Variants in TRDN observed in about 807,000 individuals in gnomAD.
TRDN encodes triadin in skeletal muscle.
TRDN carries 161 observed loss-of-function variants against 149.7 expected under a neutral mutation model. The observed-to-expected ratio is 1.08, with a 90% confidence interval of 0.95 to 1.23. The LOEUF (loss-of-function observed/expected upper bound fraction) is 1.23. Ranked by LOEUF, TRDN falls within the 50% of genes most tolerant of loss-of-function variation. The pLI, the probability that TRDN is intolerant of heterozygous loss-of-function variation, is 0.00. For synonymous variants in TRDN, 294 were observed against 250.5 expected (o/e 1.17, Z -1.64); for missense variants, 896 against 823.5 (o/e 1.09, Z -1.08).
At chr6:123,621,663 C>T (rs945973410) in intron 1 of TRDN, among the ~76,000 whole-genome samples, 1 of 152,066 alleles carries the variant, frequency 6.6e-6, no homozygotes, top group East Asian at 1.9e-4. Context: ...TGCAGCAAAA[C>T]ACAGAACAAT....
At chr6:123,548,399 A>G in intron 3 of TRDN, 55 bp downstream of exon 3, 9 of 1,338,464 alleles carry the variant, frequency 6.7e-6, no homozygotes, top group Non-Finnish European at 8.7e-6. Context: ...AAGCCACTAT[A>G]ATACATATTT....
At chr6:123,409,735 T>TCA (rs1212069610) in intron 12 of TRDN, among the ~76,000 whole-genome samples, 1 of 150,520 alleles carries the variant, frequency 6.6e-6, no homozygotes, top group Non-Finnish European at 1.5e-5. Context: ...CAGAGTCTAG[T>TCA]GAGAAACAAA....
intron 12 of TRDN, among the ~76,000 whole-genome samples, chr6:123,432,471 A>T (rs1774373414): frequency 2.0e-5 from 3 of 151,904 alleles, no homozygotes; most frequent in Admixed American, 1.3e-4. Flanking sequence ...AATACTCATC[A>T]AACTATAATT....
At chr6:123,454,048 G>T (rs11154170) in intron 10 of TRDN, among the ~76,000 whole-genome samples, 42,468 of 151,498 alleles carry the variant, frequency 0.28, 6,218 homozygotes, top group South Asian at 0.38. Context: ...CCAAACATCG[G>T]GTGTTCTCAC....
At chr6:123,481,892 G>T (rs962006250) in intron 9 of TRDN, among the ~76,000 whole-genome samples, 7 of 151,990 alleles carry the variant, frequency 4.6e-5, no homozygotes, top group Admixed American at 3.3e-4. Context: ...CTATCACATG[G>T]CATGTGAAAA....
At position 123,439,025 on chromosome 6, in the gene TRDN, T is replaced by A. The variant is rs758267701; in HGVS notation, c.932-22A>T. On this transcript the variant is annotated intron_variant, in intron 10 of 40. Transcript: ENST00000334268. ...TTTTCTAGAGAATACATTTAAAATA[T>A]TTCCTTTAGGGAAATTTAGTATGAA... is the stretch of plus-strand genomic sequence containing the variant. The A allele has an allele frequency of 2.0e-6, 3 of 1,528,842 alleles. No individual in the cohort carries two copies. In the African/African-American group the frequency reaches 4.2e-5, roughly 21 times the overall value. The allele number at this position is 1,528,842 out of a possible 1,614,324, so 94.7% of individuals were successfully genotyped here.
At chr6:123,466,082 G>A (rs1776793433) in intron 9 of TRDN, among the ~76,000 whole-genome samples, 1 of 152,174 alleles carries the variant, frequency 6.6e-6, no homozygotes, top group Non-Finnish European at 1.5e-5. Flanking sequence ...GCATGTTTAA[G>A]TATGTATAGA....
At chr6:123,324,608 AG>A (rs1489286977) in intron 23 of TRDN, among the ~76,000 whole-genome samples, 12 of 152,178 alleles carry the variant, frequency 7.9e-5, no homozygotes, top group African/African-American at 2.9e-4. Context: ...CTTTTGAATG[AG>A]GGCTGATATT....
Position 123,393,099 on chromosome 6 carries a change from T to C in TRDN, c.1105+525A>G, listed in dbSNP as rs138087953. 2.0e-3 allele frequency among the ~76,000 whole-genome samples: 300 copies of C among 152,214 alleles called. 1 individual carries two copies. Among genetic ancestry groups the C allele is most frequent in the African/African-American group, 7.0e-3 (291 of 41,572 alleles). ...ATGGTGTGAGACGAAACCACTTTAG[T>C]TATCCTGAAGATATTTGTAAATGGT... is the stretch of plus-strand genomic sequence containing the variant. On this transcript the variant is annotated intron_variant, in intron 13 of 40. Coordinates refer to ENST00000334268, the MANE Select transcript of TRDN (RefSeq NM_006073.4).
At chr6:123,617,659 T>A (rs1225334850) in intron 1 of TRDN, among the ~76,000 whole-genome samples, 1 of 152,202 alleles carries the variant, frequency 6.6e-6, no homozygotes, top group African/African-American at 2.4e-5. Context: ...AACTCCTTTT[T>A]AGTTTCAGAT....
intron 38 of TRDN, among the ~76,000 whole-genome samples, chr6:123,241,382 A>G (rs890194641): frequency 4.6e-5 from 7 of 151,434 alleles, no homozygotes; most frequent in African/African-American, 1.7e-4. Flanking sequence ...AAATTCAGAA[A>G]AAGAATATAA....
intron 14 of TRDN, among the ~76,000 whole-genome samples, chr6:123,385,338 G>T (rs1781867717): frequency 6.6e-6 from 1 of 151,446 alleles, no homozygotes; most frequent in East Asian, 2.0e-4. Context: ...TGAGGCAGGA[G>T]AGTGGCATGA....
intron 12 of TRDN, among the ~76,000 whole-genome samples, chr6:123,405,546 T>C (rs1037358774): frequency 6.6e-6 from 1 of 152,194 alleles, no homozygotes; most frequent in Non-Finnish European, 1.5e-5. Flanking sequence ...TTTTGAAGAC[T>C]TTAGCATCAA....
intron 1 of TRDN, 132 bp downstream of exon 1, chr6:123,636,621 TC>T: frequency 9.9e-7 from 1 of 1,008,128 alleles, no homozygotes; most frequent in Non-Finnish European, 1.5e-6. Context: ...ACTTCTCAGA[TC>T]CTGTATAGAA....
chr6:123,323,303 A>G (rs1779326105), intron 23 of TRDN, among the ~76,000 whole-genome samples: 1 of 152,130 alleles, frequency 6.6e-6, no homozygotes, highest in Non-Finnish European at 1.5e-5. Context: ...TGGCTACACG[A>G]ACTAATTTGT....
chr6:123,500,854 C>G (rs1778667938), intron 8 of TRDN, among the ~76,000 whole-genome samples: 1 of 152,132 alleles, frequency 6.6e-6, no homozygotes, highest in Admixed American at 6.6e-5. Flanking sequence ...TATACTTTCT[C>G]TGCCTGCCAC....
At position 123,481,255 on chromosome 6, in the gene TRDN, C is replaced by G. The variant is rs188742506; in HGVS notation, c.853+15938G>C. Among the ~76,000 whole-genome samples, 3 of 152,170 alleles carry G rather than the reference C, an allele frequency of 2.0e-5. No individual in the cohort carries two copies. In the East Asian group the frequency reaches 5.8e-4, roughly 29 times the overall value. On this transcript the variant is annotated intron_variant, in intron 9 of 40. Coordinates refer to ENST00000334268, the MANE Select transcript of TRDN (RefSeq NM_006073.4). ...TGGTTTCTATGCCAGATTCCTTTCA[C>G]TCACCAACCAACAAAGGCAGCTAAA...
At chr6:123,298,623 C>T (rs563579395) in intron 24 of TRDN, among the ~76,000 whole-genome samples, 13 of 152,192 alleles carry the variant, frequency 8.5e-5, no homozygotes, top group Admixed American at 6.6e-4. Flanking sequence ...CATTGTCACA[C>T]ATGATAAACC....
At chr6:123,304,247 A>ATTTTTTTTT (rs1562253387) in intron 24 of TRDN, among the ~76,000 whole-genome samples, 1 of 144,730 alleles carries the variant, frequency 6.9e-6, no homozygotes, top group African/African-American at 2.6e-5. Context: ...ATTTTCTTTT[A>ATTTTTTTTT]TTTTCTTTTT....
Sources: gnomAD v4.1 joint callset for allele counts (sites outside exome capture counted in the v4.1 genomes callset) on GRCh38, gnomAD v4.1.1 for gene constraint, MANE v1.5 for transcripts, NCBI Gene and HGNC (gene_info 2026-07-23, HGNC 2026-07-21) for gene names.